Variants in MYO1E observed in about 807,000 individuals in gnomAD.
MYO1E encodes unconventional myosin-Ie.
MYO1E carries 68 observed loss-of-function variants against 151.1 expected under a neutral mutation model. The observed-to-expected ratio is 0.45, with a 90% CI of 0.37 to 0.55. The LOEUF is 0.55. Among genes scored for constraint, MYO1E ranks in the 20% least tolerant of loss-of-function variants. The pLI, the probability that MYO1E is intolerant of heterozygous loss-of-function variation, is 0.00. For synonymous variants in MYO1E, 601 were observed against 501.7 expected, an observed-to-expected ratio of 1.20 and a Z score of -2.64; for missense variants, 1,363 against 1,389.3, an observed-to-expected ratio of 0.98 and a Z score of 0.30.
intron 16 of MYO1E, among the ~76,000 whole-genome samples, chr15:59,199,874 T>A (rs569043286): frequency 4.1e-4 from 63 of 152,174 alleles, no homozygotes; most frequent in Non-Finnish European, 7.3e-4. Flanking sequence ...TGGCTATGTA[T>A]CTGTAAGAGG....
intron 1 of MYO1E, among the ~76,000 whole-genome samples, chr15:59,291,064 T>A (rs557520592): frequency 6.6e-6 from 1 of 152,244 alleles, no homozygotes; most frequent in Admixed American, 6.5e-5. Context: ...CATCACCACC[T>A]CAAACAGAGC....
rs542967238 is a variant in MYO1E, at chr15:59,318,045, T to G, written c.4-45596A>C. Among the ~76,000 whole-genome samples the G allele has an allele frequency of 4.6e-5, 7 of 152,288 alleles. No homozygotes were observed. The East Asian group carries it at 1.2e-3, about 25-fold the overall frequency. ...TGGGGCAGAAGAGTTTAGATCTGCC[T>G]AAACAGTAAATGGGGAGTCACTGAG... On this transcript the variant is annotated intron_variant, in intron 1 of 27. Transcript: ENST00000288235.
At chr15:59,163,537 T>G (rs981182508) in intron 22 of MYO1E, among the ~76,000 whole-genome samples, 1 of 152,202 alleles carries the variant, frequency 6.6e-6, no homozygotes, top group African/African-American at 2.4e-5. Flanking sequence ...ATCAAAGTAC[T>G]TTTTCCACAT....
intron 1 of MYO1E, among the ~76,000 whole-genome samples, chr15:59,309,357 C>A (rs954756419): frequency 1.3e-5 from 2 of 152,176 alleles, no homozygotes; most frequent in Non-Finnish European, 2.9e-5. Context: ...AAAAAAGCAA[C>A]TAAAACAACA....
At chr15:59,302,144 A>G (rs1159458859) in intron 1 of MYO1E, among the ~76,000 whole-genome samples, 1 of 152,160 alleles carries the variant, frequency 6.6e-6, no homozygotes, top group South Asian at 2.1e-4. Flanking sequence ...GGGGAGAAAA[A>G]AAGGCAGGAA....
chr15:59,280,483 G>C (rs528577952), intron 1 of MYO1E, among the ~76,000 whole-genome samples: 20 of 150,870 alleles, frequency 1.3e-4, no homozygotes, highest in South Asian at 4.2e-4. Context: ...AATTAGCCTC[G>C]TGGTGGTGCA....
At chr15:59,324,806 T>C (rs551432607) in intron 1 of MYO1E, among the ~76,000 whole-genome samples, 1 of 152,182 alleles carries the variant, frequency 6.6e-6, no homozygotes, top group South Asian at 2.1e-4. Context: ...ATTAAAAGAC[T>C]CCTAAAGGCC....
intron 1 of MYO1E, among the ~76,000 whole-genome samples, chr15:59,355,667 G>A (rs114960848): frequency 0.016 from 2,390 of 152,114 alleles, 60 homozygotes; most frequent in African/African-American, 0.053. Flanking sequence ...TGTCTAATGC[G>A]CAATCCCATG....
At chr15:59,253,251 C>T (rs976846171) in intron 4 of MYO1E, among the ~76,000 whole-genome samples, 2 of 152,168 alleles carry the variant, frequency 1.3e-5, no homozygotes, top group Admixed American at 6.5e-5. Context: ...AATTTTCCCA[C>T]ATAGTTTTTA....
At chr15:59,335,421 T>C (rs2140425490) in intron 1 of MYO1E, among the ~76,000 whole-genome samples, 1 of 152,272 alleles carries the variant, frequency 6.6e-6, no homozygotes, top group East Asian at 1.9e-4. Context: ...TTTACGGATT[T>C]TGAAAGAAGC....
chr15:59,151,500 A>G (rs544951827), intron 26 of MYO1E, among the ~76,000 whole-genome samples: 77 of 152,320 alleles, frequency 5.1e-4, no homozygotes, highest in African/African-American at 1.5e-3. Context: ...ATGAAGTGAG[A>G]TAAGACTTGC....
In MYO1E at chr15:59,161,271, G is replaced by C. The variant is rs754862480; in HGVS notation, c.2628-41C>G. 13 of 1,605,050 alleles carry C rather than the reference G, an allele frequency of 8.1e-6. 1 individual carries two copies. The South Asian group carries it at 1.4e-4, about 18-fold the overall frequency. ...TGGGGTTAACAGGTCGAAGGACGCA[G>C]TGAGAAAACGGTGCTCAGAGATCCC... On this transcript the variant is annotated intron_variant, in intron 23 of 27. Transcript: ENST00000288235.
At chr15:59,207,371 C>T (rs776635266) in intron 14 of MYO1E, 2 of 1,614,062 alleles carry the variant, frequency 1.2e-6, no homozygotes, top group Non-Finnish European at 1.7e-6. Flanking sequence ...GTGATTATCA[C>T]AGCAGGTGCA....
At chr15:59,312,809 T>G (rs983773858) in intron 1 of MYO1E, among the ~76,000 whole-genome samples, 1 of 152,068 alleles carries the variant, frequency 6.6e-6, no homozygotes, top group African/African-American at 2.4e-5. Flanking sequence ...TCATGAGGTC[T>G]GGAGATCGAG....
At chr15:59,164,087 AG>A (rs2079551909) in intron 22 of MYO1E, among the ~76,000 whole-genome samples, 1 of 152,244 alleles carries the variant, frequency 6.6e-6, no homozygotes, top group African/African-American at 2.4e-5. Context: ...ACGCTGAGGC[AG>A]ACCCAGCTCC....
intron 13 of MYO1E, among the ~76,000 whole-genome samples, chr15:59,210,078 G>A (rs2079869560): frequency 6.6e-6 from 1 of 151,676 alleles, no homozygotes; most frequent in Admixed American, 6.6e-5. Context: ...ATGTTGCTGG[G>A]GCTGGTCTTG....
intron 13 of MYO1E, 81 bp from the exon 14 acceptor site, chr15:59,208,929 G>C: frequency 2.6e-6 from 4 of 1,520,584 alleles, no homozygotes; most frequent in Non-Finnish European, 3.6e-6. Context: ...TCTTAGGCAA[G>C]GAAACAGCTC....
intron 3 of MYO1E, among the ~76,000 whole-genome samples, chr15:59,258,163 G>A (rs1369840601): frequency 2.6e-5 from 4 of 152,236 alleles, no homozygotes; most frequent in East Asian, 1.9e-4. Context: ...TCTGGCCAAC[G>A]TGGCAAAACC....
chr15:59,334,003 A>C (rs541778865), intron 1 of MYO1E, among the ~76,000 whole-genome samples: 1 of 152,254 alleles, frequency 6.6e-6, no homozygotes, highest in East Asian at 1.9e-4. Context: ...AATATGAAGA[A>C]CCTCTCGTCA....
Sources: allele counts gnomAD v4.1 joint callset (sites outside exome capture counted in the v4.1 genomes callset), GRCh38; gene constraint gnomAD v4.1.1; transcripts MANE v1.5; gene names NCBI Gene and HGNC (gene_info 2026-07-23, HGNC 2026-07-21).